The following ZC3HC1 variants were observed in gnomAD, a reference collection of about 807,000 sequenced individuals.
The protein encoded by ZC3HC1 is zinc finger C3HC-type containing 1.
A neutral mutation model predicts 61.9 loss-of-function variants in ZC3HC1; 38 were observed. The observed-to-expected ratio is 0.61, with a 90% CI of 0.47 to 0.81. The LOEUF (loss-of-function observed/expected upper bound fraction) is 0.81, where lower values mean the gene tolerates loss of function less well. ZC3HC1 is among the 30% of genes least tolerant of loss of function. The probability of loss-of-function intolerance (pLI) is 0.00; values close to 1 mark genes in which losing one functional copy is unlikely to be tolerated. For missense variants in ZC3HC1, 554 were observed against 622.7 expected (o/e 0.89, Z 1.17); for synonymous variants, 213 against 229.9 (o/e 0.93, Z 0.67).
chr7:130,031,020 C>A (rs1267870050), intron 4 of ZC3HC1, among the ~76,000 whole-genome samples: 1 of 151,446 alleles, frequency 6.6e-6, no homozygotes. Context: ...CAGCTCAGCT[C>A]TGTGGTAGCC....
chr7:130,034,284 G>A (rs1302454389), intron 4 of ZC3HC1, among the ~76,000 whole-genome samples: 1 of 150,654 alleles, frequency 6.6e-6, no homozygotes, highest in Non-Finnish European at 1.5e-5. Flanking sequence ...AGGAGATTGA[G>A]ACTATCCTGG....
chr7:130,038,406 A>G (rs1794504899), intron 4 of ZC3HC1, among the ~76,000 whole-genome samples: 1 of 152,128 alleles, frequency 6.6e-6, no homozygotes, highest in South Asian at 2.1e-4. Context: ...AACTTCCACC[A>G]TTATTGCTGT....
chr7:130,018,733 C>T lies in ZC3HC1; in HGVS notation c.1441-1G>A. 6.2e-7 allele frequency: 1 copy of T among 1,611,678 alleles called. No individual in the cohort carries two copies. Among genetic ancestry groups the T allele is most frequent in the Non-Finnish European group, 8.5e-7 (1 of 1,178,084 alleles). On this transcript the variant is annotated splice_acceptor_variant, in intron 9 of 9. Coordinates refer to ENST00000358303, the MANE Select transcript of ZC3HC1 (RefSeq NM_016478.5). LOFTEE classifies it high-confidence loss of function. ...CTTTCCTTGATTTCTCAGAGAGACT[C>T]TGTAGGTAGAAAAGCTTATTATTAG...
At chr7:130,031,668 T>C (rs1006177191) in intron 4 of ZC3HC1, among the ~76,000 whole-genome samples, 11 of 152,182 alleles carry the variant, frequency 7.2e-5, no homozygotes, top group Admixed American at 6.6e-4. Flanking sequence ...GGCTCTGACA[T>C]ATTCCCTGGA....
chr7:130,029,546 T>A (rs1794084622), intron 4 of ZC3HC1, among the ~76,000 whole-genome samples: 1 of 152,170 alleles, frequency 6.6e-6, no homozygotes, highest in Admixed American at 6.6e-5. Context: ...ATATTTTTTA[T>A]ATTTTGAAAT....
At chr7:130,048,190 C>T (rs1029830119) in intron 2 of ZC3HC1, among the ~76,000 whole-genome samples, 2 of 144,988 alleles carry the variant, frequency 1.4e-5, no homozygotes, top group African/African-American at 2.6e-5. Context: ...TGCTCTGCTG[C>T]CAAGGCTGGA....
intron 8 of ZC3HC1, 113 bp from the exon 9 acceptor site, chr7:130,022,638 T>G: frequency 9.0e-7 from 1 of 1,112,464 alleles, no homozygotes; most frequent in Non-Finnish European, 1.3e-6. Flanking sequence ...ACTTCGAGTG[T>G]TTATGCTCTC....
At chr7:130,028,714 AC>A (rs1350298664) in intron 5 of ZC3HC1, among the ~76,000 whole-genome samples, 187 bp downstream of exon 5, 1 of 152,208 alleles carries the variant, frequency 6.6e-6, no homozygotes. Flanking sequence ...ATTTAAAAAA[AC>A]ATACCTAAAC....
At chr7:130,020,158 T>C (rs1470152368) in intron 9 of ZC3HC1, among the ~76,000 whole-genome samples, 1 of 152,046 alleles carries the variant, frequency 6.6e-6, no homozygotes, top group Admixed American at 6.6e-5. Context: ...TGAGGATGTT[T>C]CAATAAGTTC....
At chr7:130,037,823 TATAC>T (rs1375344327) in intron 4 of ZC3HC1, among the ~76,000 whole-genome samples, 7 of 152,310 alleles carry the variant, frequency 4.6e-5, no homozygotes, top group Non-Finnish European at 1.0e-4. Context: ...AGGCATGAAA[TATAC>T]AGATGAATAG....
At chr7:130,047,760 C>T (rs1794924038) in intron 2 of ZC3HC1, among the ~76,000 whole-genome samples, 1 of 152,054 alleles carries the variant, frequency 6.6e-6, no homozygotes, top group Admixed American at 6.6e-5. Context: ...ATGTGAACAG[C>T]TTTTAAGGTG....
At chr7:130,050,478 C>T (rs781721880) in intron 1 of ZC3HC1, 116 of 1,518,070 alleles carry the variant, frequency 7.6e-5, no homozygotes, top group Non-Finnish European at 9.9e-5. Context: ...GAGCCTCAAG[C>T]GGGTGTGGTT....
Position 130,023,497 on chromosome 7 carries a change from C to T in ZC3HC1, c.1233+14G>A, listed in dbSNP as rs771598293. ...GTTTATGCTCAGCCACTGCTACATG[C>T]GAGGTGGACTCACCGAACTGCTGGA... On this transcript the variant is annotated intron_variant, in intron 8 of 9. Coordinates refer to ENST00000358303, the MANE Select transcript of ZC3HC1 (RefSeq NM_016478.5). The surrounding 1 kb of genome is among the most constrained non-coding windows in gnomAD (Gnocchi z 4.2). The T allele has an allele frequency of 6.8e-6, 11 of 1,613,014 alleles. No individual in the cohort carries two copies. In the Admixed American group the frequency reaches 8.3e-5, roughly 12 times the overall value.
intron 4 of ZC3HC1, among the ~76,000 whole-genome samples, chr7:130,034,075 T>C (rs1291943556): frequency 6.6e-6 from 1 of 152,224 alleles, no homozygotes; most frequent in Non-Finnish European, 1.5e-5. Context: ...CACATCCATG[T>C]AGCCATCACT....
chr7:130,026,327 A>G lies in ZC3HC1; in HGVS notation c.622-15T>C. 2 of 1,594,472 alleles carry G rather than the reference A, an allele frequency of 1.3e-6. No homozygotes were observed. The highest frequency in any genetic ancestry group is 1.1e-5 in the South Asian group (1 of 89,758). ...TCTGTCAAGCACTACAAGGGAGCCAAGTAAAAAACTTCGTTTCAACCACCA... is the reference window on the plus strand; with the variant it reads ...TCTGTCAAGCACTACAAGGGAGCCAGGTAAAAAACTTCGTTTCAACCACCA... On this transcript the variant is annotated splice_polypyrimidine_tract_variant and intron_variant, in intron 5 of 9. Coordinates refer to ENST00000358303, the MANE Select transcript of ZC3HC1 (RefSeq NM_016478.5).
chr7:130,022,284 G>C (rs1353704557), intron 9 of ZC3HC1, 35 bp downstream of exon 9: 2 of 1,613,276 alleles, frequency 1.2e-6, no homozygotes, highest in Non-Finnish European at 1.7e-6. Context: ...TAAACAGCAA[G>C]TGCTGCCCAC....
At chr7:130,034,091 G>A (rs1029591417) in intron 4 of ZC3HC1, among the ~76,000 whole-genome samples, 41 of 151,584 alleles carry the variant, frequency 2.7e-4, no homozygotes, top group African/African-American at 9.7e-4. Context: ...TCACTGCTAG[G>A]TTTCTATTTT....
At position 130,022,530 on chromosome 7, in the gene ZC3HC1, G is replaced by A. The variant is rs766271390; in HGVS notation, c.1234-5C>T. The A allele has an allele frequency of 6.2e-7, 1 of 1,613,964 alleles. No homozygotes were observed. The highest frequency in any genetic ancestry group is 2.2e-5 in the East Asian group (1 of 44,886). ...GAAGCTTCGGGAAGATGTGTCCTGA[G>A]GAAGGAGAAAAAGAAATAGCATTCA... On this transcript the variant is annotated splice_polypyrimidine_tract_variant and splice_region_variant and intron_variant, in intron 8 of 9. Transcript: ENST00000358303.
At chr7:130,026,058 G>T in intron 6 of ZC3HC1, 100 bp downstream of exon 6, 1 of 1,372,628 alleles carries the variant, frequency 7.3e-7, no homozygotes, top group South Asian at 1.6e-5. Context: ...TTTTCTCACG[G>T]GAAACACCAT....
Sources: allele counts gnomAD v4.1 joint callset (sites outside exome capture counted in the v4.1 genomes callset), GRCh38; gene constraint gnomAD v4.1.1; non-coding constraint Gnocchi (gnomAD v3.1); transcripts MANE v1.5; gene names NCBI Gene and HGNC (gene_info 2026-07-23, HGNC 2026-07-21).